The following LUZP1 variants were observed in gnomAD, a reference collection of about 807,000 sequenced individuals.
The protein encoded by LUZP1 is filamin mechanobinding actin cross-linking protein.
Under a neutral mutation model 71.3 loss-of-function variants are expected in LUZP1, and 25 were observed. That is an observed-to-expected ratio of 0.35 (90% confidence interval 0.26 to 0.49). The LOEUF is 0.49. Among genes scored for constraint, LUZP1 ranks in the 20% least tolerant of loss-of-function variants. The pLI is 0.99. For synonymous variants in LUZP1, 481 were observed against 506.4 expected (o/e 0.95, Z 0.67); for missense variants, 1,142 against 1,300.8 (o/e 0.88, Z 1.88).
intron 2 of LUZP1, 134 bp downstream of exon 1, chr1:23,168,632 C>T (rs1022225105): frequency 1.3e-5 from 2 of 150,970 alleles, no homozygotes; most frequent in African/African-American, 4.9e-5. Context: ...CCCCATCTCT[C>T]CTCGGCTGCG....
intron 2 of LUZP1, among the ~76,000 whole-genome samples, chr1:23,141,738 G>A (rs1644304820): frequency 6.6e-6 from 1 of 152,064 alleles, no homozygotes; most frequent in African/African-American, 2.4e-5. Flanking sequence ...AGAGAGCAGG[G>A]GCAAGATCAT....
chr1:23,123,492 C>CAAAAAAAAAA (rs10716851), intron 2 of LUZP1, among the ~76,000 whole-genome samples: 1 of 106,906 alleles, frequency 9.4e-6, no homozygotes. Flanking sequence ...ACTTTGTCTC[C>CAAAAAAAAAA]AAAAAAAAAA....
rs541696883 is a variant in LUZP1, at chr1:23,127,018, C to A, written c.-225-17891G>T. On this transcript the variant is annotated intron_variant, in intron 2 of 4. Coordinates refer to ENST00000302291, the Ensembl canonical transcript of LUZP1. Reference sequence around the variant, plus strand: ...GCTACAAGTTTCAACAAAAGCAGCACACTGTATATTGGCAGTCAAAATCAC... The same window carrying A: ...GCTACAAGTTTCAACAAAAGCAGCAAACTGTATATTGGCAGTCAAAATCAC... 3.3e-5 allele frequency among the ~76,000 whole-genome samples: 5 copies of A among 152,344 alleles called. No homozygotes were observed. In the East Asian group the frequency reaches 9.6e-4, roughly 29 times the overall value.
chr1:23,111,179 G>A (rs1013950610), intron 2 of LUZP1, among the ~76,000 whole-genome samples: 8 of 137,814 alleles, frequency 5.8e-5, no homozygotes, highest in Middle Eastern at 3.5e-3. Context: ...CAGCCTGGGC[G>A]ACACAGTGAG....
chr1:23,177,433 C>G (rs1644589451), intron 1 of LUZP1: 1 of 152,350 alleles, frequency 6.6e-6, no homozygotes, highest in South Asian at 2.1e-4. Context: ...TAGGATGAAA[C>G]AGACCCCGAG....
chr1:23,157,668 G>A lies in LUZP1; in HGVS notation c.-226+11098C>T, dbSNP rs542409583. On this transcript the variant is annotated intron_variant, in intron 2 of 4. Transcript: ENST00000302291. Reference sequence around the variant, plus strand: ...TAGCCCAGCGTGGTGGTGGGTGCCTGTAATCCCAGATACTCAGGAGGCTGA... The same window carrying A: ...TAGCCCAGCGTGGTGGTGGGTGCCTATAATCCCAGATACTCAGGAGGCTGA... 7.2e-5 allele frequency among the ~76,000 whole-genome samples: 11 copies of A among 152,168 alleles called. No homozygotes were observed. In the East Asian group the frequency reaches 1.7e-3, roughly 24 times the overall value.
chr1:23,162,359 T>TA (rs1644474363), intron 2 of LUZP1, among the ~76,000 whole-genome samples: 1 of 152,086 alleles, frequency 6.6e-6, no homozygotes, highest in Admixed American at 6.6e-5. Flanking sequence ...GAAAAAAACA[T>TA]CAAATTCCAC....
intron 2 of LUZP1, among the ~76,000 whole-genome samples, chr1:23,147,052 G>A (rs1162878505): frequency 6.7e-5 from 10 of 149,856 alleles, no homozygotes; most frequent in Non-Finnish European, 1.3e-4. Context: ...AGCCGAGATC[G>A]CGCCACCGCA....
chr1:23,127,660 A>G (rs1487809473), intron 2 of LUZP1, among the ~76,000 whole-genome samples: 1 of 152,080 alleles, frequency 6.6e-6, no homozygotes, highest in African/African-American at 2.4e-5. Flanking sequence ...AGTAGCTGGG[A>G]CTACAAGCGC....
At chr1:23,084,766 G>C (rs958839376) in exon 5 of LUZP1, 39 of 152,252 alleles carry the variant, frequency 2.6e-4, no homozygotes, top group African/African-American at 9.1e-4. Flanking sequence ...GGCAGTAATG[G>C]AAAGAATCTG....
intron 2 of LUZP1, among the ~76,000 whole-genome samples, chr1:23,114,094 A>G (rs773397835): frequency 2.6e-5 from 4 of 152,182 alleles, no homozygotes; most frequent in Non-Finnish European, 5.9e-5. Context: ...AAATGATTCA[A>G]ACTGAAACAA....
intron 2 of LUZP1, among the ~76,000 whole-genome samples, chr1:23,111,539 T>C (rs1644032740): frequency 6.6e-6 from 1 of 152,142 alleles, no homozygotes; most frequent in South Asian, 2.1e-4. Context: ...CCAGCTTAGA[T>C]GACAGAGTGA....
At chr1:23,127,617 G>A (rs1229317275) in intron 2 of LUZP1, among the ~76,000 whole-genome samples, 4 of 152,138 alleles carry the variant, frequency 2.6e-5, no homozygotes, top group South Asian at 2.1e-4. Flanking sequence ...TCCGACTCCC[G>A]GGTTCACGCC....
intron 3 of LUZP1, among the ~76,000 whole-genome samples, chr1:23,103,915 GA>G (rs1200831602): frequency 3.0e-4 from 21 of 68,926 alleles, no homozygotes; most frequent in Non-Finnish European, 4.1e-4. Context: ...GGGAAGGAGG[GA>G]GGGAGGGGGG....
At chr1:23,140,514 T>C (rs912816439) in intron 2 of LUZP1, 1 of 152,108 alleles carries the variant, frequency 6.6e-6, no homozygotes, top group Non-Finnish European at 1.5e-5. Context: ...TGCAATGCCT[T>C]GTGGGAAAGT....
chr1:23,119,251 CTT>C (rs35522356), intron 2 of LUZP1, among the ~76,000 whole-genome samples: 2 of 70,024 alleles, frequency 2.9e-5, no homozygotes, highest in African/African-American at 6.1e-5. Context: ...GTGACTAGCT[CTT>C]TTTTTTTTTT....
rs1239770340 is a variant in LUZP1 at position 23,093,371 on chromosome 1, T to A, written c.891A>T (p.Lys297Asn). The stretch of plus-strand genomic sequence containing the variant: ...CAAAGTGTTTGATTTGTGTCTTAAG[T>A]TTCTCAATCTCTTGGTTAAGGTCTT... Residue 297 changes from lysine (K) to asparagine (N), a missense_variant, in exon 4 of 5, where the codon AAA becomes AAT. Lys to Asn is a moderately conservative substitution (Grantham distance 94). Transcript: ENST00000302291. This position sits in a 1 kb window ranked among gnomAD's most constrained non-coding sequence, Gnocchi z 4.2. 6.2e-7 allele frequency: 1 copy of A among 1,613,556 alleles called. No individual in the cohort carries two copies. The highest frequency in any genetic ancestry group is 1.1e-5 in the South Asian group (1 of 90,820).
chr1:23,157,051 A>G (rs907169886), intron 2 of LUZP1, among the ~76,000 whole-genome samples: 15 of 152,260 alleles, frequency 9.9e-5, no homozygotes, highest in African/African-American at 3.4e-4. Flanking sequence ...TAACTTTCCA[A>G]GGCAGGGAGC....
At chr1:23,138,663 T>TTGTGTGTGTGTG (rs550739499) in intron 2 of LUZP1, among the ~76,000 whole-genome samples, 289 of 125,634 alleles carry the variant, frequency 2.3e-3, no homozygotes, top group African/African-American at 8.2e-3. Flanking sequence ...GATTATGTGT[T>TTGTGTGTGTGTG]TGTGTGTGTG....
Sources: gnomAD v4.1 joint callset for allele counts (sites outside exome capture counted in the v4.1 genomes callset) on GRCh38, gnomAD v4.1.1 for gene constraint, Gnocchi (gnomAD v3.1) non-coding constraint, MANE v1.5 for transcripts, NCBI Gene and HGNC (gene_info 2026-07-23, HGNC 2026-07-21) for gene names.